MARCHF10: variants seen among roughly 807,000 people sequenced by gnomAD.
MARCHF10 encodes membrane associated ring-CH-type finger 10, also known as probable E3 ubiquitin-protein ligase MARCHF10.
A neutral mutation model predicts 76.2 loss-of-function variants in MARCHF10; 64 were observed. The ratio of observed to expected loss-of-function variants is 0.84; its 90% confidence interval spans 0.69 to 1.03. The LOEUF is 1.03. Among genes scored for constraint, MARCHF10 ranks in the 50% least tolerant of loss-of-function variants. MARCHF10 has a pLI of 0.00. For missense variants in MARCHF10, 875 were observed against 958.0 expected (o/e 0.91, Z 1.14); for synonymous variants, 340 against 357.5 (o/e 0.95, Z 0.55).
intron 4 of MARCHF10, among the ~76,000 whole-genome samples, chr17:62,755,790 G>T (rs1002734182): frequency 5.9e-5 from 9 of 152,152 alleles, no homozygotes; most frequent in African/African-American, 2.2e-4. Flanking sequence ...AAAAGTAGTT[G>T]TACCTGCATT....
chr17:62,704,330 G>C (rs578061436), intron 10 of MARCHF10, among the ~76,000 whole-genome samples: 6 of 152,192 alleles, frequency 3.9e-5, no homozygotes, highest in South Asian at 2.1e-4. Flanking sequence ...TGGAGGCCCG[G>C]GGGGGCGAGG....
At chr17:62,718,377 A>T (rs2090324849) in intron 8 of MARCHF10, among the ~76,000 whole-genome samples, 1 of 152,242 alleles carries the variant, frequency 6.6e-6, no homozygotes, top group Admixed American at 6.5e-5. Context: ...GGTCAGTTCT[A>T]TAAATGCCAT....
intron 3 of MARCHF10, among the ~76,000 whole-genome samples, chr17:62,783,079 T>C (rs905305019): frequency 6.6e-5 from 10 of 152,026 alleles, no homozygotes; most frequent in African/African-American, 2.4e-4. Flanking sequence ...GATCATTATC[T>C]GGAGAAAACT....
At chr17:62,704,650 T>A (rs1350494717) in intron 10 of MARCHF10, among the ~76,000 whole-genome samples, 1 of 152,238 alleles carries the variant, frequency 6.6e-6, no homozygotes, top group Non-Finnish European at 1.5e-5. Flanking sequence ...GGGTCCGGTG[T>A]GAACACGATT....
At chr17:62,771,481 G>A (rs190446641) in intron 3 of MARCHF10, among the ~76,000 whole-genome samples, 7 of 152,106 alleles carry the variant, frequency 4.6e-5, no homozygotes, top group East Asian at 1.9e-4. Context: ...GCAGGGCCTC[G>A]TTGGTTACAT....
At chr17:62,746,581 C>G (rs1443002580) in intron 4 of MARCHF10, among the ~76,000 whole-genome samples, 1 of 152,110 alleles carries the variant, frequency 6.6e-6, no homozygotes, top group Non-Finnish European at 1.5e-5. Flanking sequence ...AAGCTTCTCC[C>G]TTATCACCTG....
At chr17:62,783,194 GTTTTTTTT>G (rs201262979) in intron 3 of MARCHF10, among the ~76,000 whole-genome samples, 8 of 71,382 alleles carry the variant, frequency 1.1e-4, no homozygotes, top group Non-Finnish European at 1.4e-4. Context: ...AAAATTGCCA[GTTTTTTTT>G]TTTTTTTTTT....
At position 62,744,399 on chromosome 17, in the gene MARCHF10, T is replaced by A. The variant is rs1453219495; in HGVS notation, c.512A>T (p.Lys171Met). 6.2e-7 allele frequency: 1 copy of A among 1,614,076 alleles called. No homozygotes were observed. Among genetic ancestry groups the A allele is most frequent in the South Asian group, 1.1e-5 (1 of 91,022 alleles). Residue 171 changes from lysine (K) to methionine (M), a missense_variant, in exon 5 of 11, where the codon AAG becomes ATG. By Grantham distance (95) the Lys-to-Met change is moderately conservative. Coordinates refer to ENST00000311269, the MANE Select transcript of MARCHF10 (RefSeq NM_152598.4). Reference protein sequence around the residue: ...RSRQKQQWPAKVPVPRGADQV... With the variant: ...RSRQKQQWPAMVPVPRGADQV... ...ACCTGCTCCCCTGGGAACCGGCACCTTTGCAGGCCACTGCTGTTTCTGTCT... is the reference window on the plus strand; with the variant it reads ...ACCTGCTCCCCTGGGAACCGGCACCATTGCAGGCCACTGCTGTTTCTGTCT...
At chr17:62,782,556 C>T (rs2092678278) in intron 3 of MARCHF10, among the ~76,000 whole-genome samples, 2 of 151,954 alleles carry the variant, frequency 1.3e-5, no homozygotes, top group Non-Finnish European at 2.9e-5. Flanking sequence ...CCATATTGGC[C>T]AGGCTGGTCT....
intron 4 of MARCHF10, among the ~76,000 whole-genome samples, chr17:62,754,401 A>C (rs1480823819): frequency 6.6e-6 from 1 of 152,164 alleles, no homozygotes; most frequent in Non-Finnish European, 1.5e-5. Context: ...CATCTCAAAT[A>C]CAAGTGTCTT....
chr17:62,776,355 G>A, intron 3 of MARCHF10, among the ~76,000 whole-genome samples: 1 of 152,126 alleles, frequency 6.6e-6, no homozygotes, highest in East Asian at 1.9e-4. Flanking sequence ...CTATCAACCC[G>A]GCCACATGGC....
rs1266979351 is a variant in MARCHF10, at chr17:62,753,149, G to GGCGTCACGCCC, written c.382+6685_382+6686insGGGCGTGACGC. On this transcript the variant is annotated intron_variant, in intron 4 of 10. Coordinates refer to ENST00000311269, the MANE Select transcript of MARCHF10 (RefSeq NM_152598.4). ...GAGCCTTGCTCTGTCGCCCAGGCTG[G>GGCGTCACGCCC]AGTGTGGAGTGCAGTCACGTGATCT... 2.0e-4 allele frequency among the ~76,000 whole-genome samples: 31 copies of GGCGTCACGCCC among 152,232 alleles called. 1 individual carries two copies. In the East Asian group the frequency reaches 6.0e-3, roughly 29 times the overall value.
At chr17:62,764,990 G>T (rs758807990) in intron 3 of MARCHF10, among the ~76,000 whole-genome samples, 3 of 152,138 alleles carry the variant, frequency 2.0e-5, no homozygotes, top group Non-Finnish European at 4.4e-5. Flanking sequence ...TGAAGACGTG[G>T]CTGCCAGGTG....
chr17:62,714,322 C>T, intron 8 of MARCHF10: 1 of 882,638 alleles, frequency 1.1e-6, no homozygotes, highest in Non-Finnish European at 1.4e-6. Flanking sequence ...CTGTGCAGGA[C>T]CAAAGGGACT....
intron 1 of MARCHF10, among the ~76,000 whole-genome samples, chr17:62,803,852 G>A (rs749582850): frequency 2.0e-5 from 3 of 152,126 alleles, no homozygotes; most frequent in Non-Finnish European, 2.9e-5. Flanking sequence ...GAAGGGATAG[G>A]CCTTGTTCTA....
Position 62,701,340 on chromosome 17 carries a change from T to C in MARCHF10, c.*363A>G. Reference sequence around the variant, plus strand: ...GGGAGAATAATGTCAGTTTACTGAATGAATACATGGCTCGAGTCCATTCAG... The same window carrying C: ...GGGAGAATAATGTCAGTTTACTGAACGAATACATGGCTCGAGTCCATTCAG... On this transcript the variant is annotated 3_prime_UTR_variant, in exon 11 of 11. Transcript: ENST00000311269. 3.5e-6 allele frequency: 1 copy of C among 287,052 alleles called. No homozygotes were observed. The highest frequency in any genetic ancestry group is 6.7e-6 in the Non-Finnish European group (1 of 149,452). 17.8% of individuals were successfully genotyped at this position (287,052 alleles called of 1,614,324 possible). A position where few individuals can be genotyped will look rare whatever the true frequency, so the allele number is the denominator to read the frequency against.
chr17:62,702,270 G>A (rs1042063909), intron 10 of MARCHF10, among the ~76,000 whole-genome samples: 52 of 152,038 alleles, frequency 3.4e-4, no homozygotes, highest in Admixed American at 1.3e-4. Flanking sequence ...TGGTGGGGGT[G>A]GGTGGTCTCC....
At chr17:62,790,012 G>A (rs1283055886) in intron 2 of MARCHF10, among the ~76,000 whole-genome samples, 1 of 151,932 alleles carries the variant, frequency 6.6e-6, no homozygotes, top group East Asian at 1.9e-4. Flanking sequence ...TGCAAAATAA[G>A]AAAAATAAAA....
At chr17:62,805,469 G>T (rs1044743658) in intron 1 of MARCHF10, among the ~76,000 whole-genome samples, 5 of 152,224 alleles carry the variant, frequency 3.3e-5, no homozygotes, top group Non-Finnish European at 7.3e-5. Flanking sequence ...CATTTTGGTT[G>T]CCAAAGTTAA....
Sources: allele counts gnomAD v4.1 joint callset (sites outside exome capture counted in the v4.1 genomes callset), GRCh38; gene constraint gnomAD v4.1.1; transcripts MANE v1.5; gene names NCBI Gene and HGNC (gene_info 2026-07-23, HGNC 2026-07-21).